The following HIP1 variants were observed in gnomAD, a reference collection of about 807,000 sequenced individuals.
The protein encoded by HIP1 is huntingtin-interacting protein 1.
HIP1 carries 65 observed loss-of-function variants against 147.6 expected under a neutral mutation model. That is an observed-to-expected ratio of 0.44 (90% CI 0.36 to 0.54). The LOEUF is 0.54. Ranked by LOEUF, HIP1 falls within the 20% of genes least tolerant of loss-of-function variation. HIP1 has a pLI of 0.00. For synonymous variants in HIP1, 479 were observed against 504.0 expected (o/e 0.95, Z 0.67); for missense variants, 1,061 against 1,299.6 (o/e 0.82, Z 2.82).
intron 1 of HIP1, among the ~76,000 whole-genome samples, chr7:75,636,712 G>A (rs1192339235): frequency 3.3e-5 from 5 of 152,160 alleles, no homozygotes; most frequent in African/African-American, 4.8e-5. Context: ...TGATTAATGA[G>A]AATCTAATAT....
intron 6 of HIP1, among the ~76,000 whole-genome samples, chr7:75,581,565 G>C (rs1313728774): frequency 6.6e-6 from 1 of 152,202 alleles, no homozygotes; most frequent in African/African-American, 2.4e-5. Context: ...GATCACCTGA[G>C]GTCAGGAGTT....
chr7:75,701,429 G>A (rs543598094), intron 1 of HIP1, among the ~76,000 whole-genome samples: 22 of 152,058 alleles, frequency 1.4e-4, no homozygotes, highest in Middle Eastern at 3.4e-3. Flanking sequence ...ACTACCAAAT[G>A]CCAGTCTGGT....
intron 1 of HIP1, among the ~76,000 whole-genome samples, chr7:75,602,803 C>T (rs1216274237): frequency 1.1e-4 from 13 of 122,852 alleles, no homozygotes; most frequent in Non-Finnish European, 1.9e-4. Flanking sequence ...TCACGCCCAA[C>T]CCCCCCCACC....
At chr7:75,553,895 T>C (rs1412000094) in intron 21 of HIP1, among the ~76,000 whole-genome samples, 2 of 152,016 alleles carry the variant, frequency 1.3e-5, no homozygotes, top group African/African-American at 2.4e-5. Flanking sequence ...GCGTGAACCA[T>C]TGCATCTGGC....
intron 1 of HIP1, among the ~76,000 whole-genome samples, chr7:75,690,270 TCA>T (rs66973060): frequency 5.6e-4 from 84 of 149,566 alleles, no homozygotes; most frequent in Middle Eastern, 3.4e-3. Context: ...TGAGACTTTG[TCA>T]CACACACACA....
At chr7:75,577,347 G>C (rs1334007672) in intron 7 of HIP1, among the ~76,000 whole-genome samples, 5 of 109,556 alleles carry the variant, frequency 4.6e-5, no homozygotes, top group Non-Finnish European at 7.8e-5. Flanking sequence ...AAAAAAAAAC[G>C]AGAGAGAGAG....
intron 23 of HIP1, among the ~76,000 whole-genome samples, 181 bp from the exon 24 acceptor site, chr7:75,547,994 G>C (rs1250819283): frequency 1.3e-5 from 2 of 152,024 alleles, no homozygotes; most frequent in South Asian, 4.1e-4. Context: ...CTATTCAGGG[G>C]GAGTGCAGCT....
At position 75,556,118 on chromosome 7, in the gene HIP1, T is replaced by C; in HGVS notation, c.1735A>G (p.Ser579Gly). The C allele has an allele frequency of 6.2e-7, 1 of 1,614,198 alleles. No individual in the cohort carries two copies. The highest frequency in any genetic ancestry group is 8.5e-7 in the Non-Finnish European group (1 of 1,180,036). Residue 579 changes from serine (S) to glycine (G), a missense_variant, in exon 18 of 31, where the codon AGC becomes GGC. Coordinates refer to ENST00000336926, the MANE Select transcript of HIP1 (RefSeq NM_005338.7). The part of the protein sequence containing the change: ...EFAELEKERD[S>G]LVSGAAHREE... ...CTATGAGCTGCGCCACTCACCAGGCTGTCCCGCTCCTTCTCTAGCTCGGCG... is the reference window on the plus strand; with the variant it reads ...CTATGAGCTGCGCCACTCACCAGGCCGTCCCGCTCCTTCTCTAGCTCGGCG...
In HIP1 at chr7:75,735,559, T is replaced by A. The variant is rs1447895605; in HGVS notation, c.120+3242A>T. Among the ~76,000 whole-genome samples the A allele has an allele frequency of 5.3e-5, 8 of 152,294 alleles. No individual in the cohort carries two copies. The East Asian group carries it at 5.8e-4, about 11-fold the overall frequency. ...ATCTCATAATACATTCTTCCCCTTTTTTCCCTTTGCTTACCAAGCTCTGCA... is the reference window on the plus strand; with the variant it reads ...ATCTCATAATACATTCTTCCCCTTTATTCCCTTTGCTTACCAAGCTCTGCA... On this transcript the variant is annotated intron_variant, in intron 1 of 30. Coordinates refer to ENST00000336926, the MANE Select transcript of HIP1 (RefSeq NM_005338.7).
At chr7:75,700,098 G>T (rs769647838) in intron 1 of HIP1, among the ~76,000 whole-genome samples, 3 of 152,144 alleles carry the variant, frequency 2.0e-5, no homozygotes, top group Non-Finnish European at 2.9e-5. Context: ...TGATCCGCCC[G>T]CATCGGCCTC....
intron 1 of HIP1, among the ~76,000 whole-genome samples, chr7:75,699,458 C>T (rs1800746742): frequency 6.6e-6 from 1 of 152,136 alleles, no homozygotes; most frequent in South Asian, 2.1e-4. Flanking sequence ...TAGGCTGGTT[C>T]CATCAATGTG....
At chr7:75,644,927 G>A (rs1798757532) in intron 1 of HIP1, among the ~76,000 whole-genome samples, 1 of 152,188 alleles carries the variant, frequency 6.6e-6, no homozygotes, top group African/African-American at 2.4e-5. Flanking sequence ...ACAAATCCAG[G>A]AACCTTCACT....
intron 5 of HIP1, among the ~76,000 whole-genome samples, chr7:75,585,556 A>G (rs915709480): frequency 2.6e-5 from 4 of 151,238 alleles, no homozygotes; most frequent in African/African-American, 9.7e-5. Flanking sequence ...CCCTCCAATC[A>G]CACGCTACAA....
intron 1 of HIP1, among the ~76,000 whole-genome samples, chr7:75,616,085 C>CAAAAAAAAAAAAAAAAAAAAAAAAAAA: frequency 2.8e-5 from 1 of 35,308 alleles, no homozygotes; most frequent in Middle Eastern, 0.019. Context: ...GACTCTGTCT[C>CAAAAAAAAAAAAAAAAAAAAAAAAAAA]AAAAAAAAAA....
chr7:75,653,510 G>A (rs1031608403), intron 1 of HIP1, among the ~76,000 whole-genome samples: 14 of 151,660 alleles, frequency 9.2e-5, no homozygotes, highest in South Asian at 2.1e-4. Context: ...AAAAATTAGC[G>A]GGCTGTGGTA....
intron 11 of HIP1, 36 bp from the exon 12 acceptor site, chr7:75,562,206 A>G: frequency 7.2e-7 from 1 of 1,391,730 alleles, no homozygotes; most frequent in Non-Finnish European, 1.0e-6. Flanking sequence ...AATAAGTCAG[A>G]GAGCCAGAGA....
At chr7:75,549,027 C>A (rs372958531) in intron 22 of HIP1, 26 bp from the exon 23 acceptor site, 1 of 1,536,162 alleles carries the variant, frequency 6.5e-7, no homozygotes, top group Non-Finnish European at 9.0e-7. Context: ...AAAGGCTGAA[C>A]TGACCTTGGG....
chr7:75,554,050 G>A, intron 21 of HIP1, 63 bp downstream of exon 21: 3 of 1,296,730 alleles, frequency 2.3e-6, no homozygotes, highest in Non-Finnish European at 3.3e-6. Flanking sequence ...CGGCCCAACA[G>A]AGACTTTTAA....
chr7:75,595,504 G>A (rs1246711054), intron 2 of HIP1, among the ~76,000 whole-genome samples: 1 of 151,540 alleles, frequency 6.6e-6, no homozygotes, highest in African/African-American at 2.4e-5. Context: ...CACCATGCCC[G>A]GCTAATTTTT....
Sources: allele counts gnomAD v4.1 joint callset (sites outside exome capture counted in the v4.1 genomes callset), GRCh38; gene constraint gnomAD v4.1.1; transcripts MANE v1.5; gene names NCBI Gene and HGNC (gene_info 2026-07-23, HGNC 2026-07-21).